The following PRR16 variants were observed in gnomAD, a reference collection of about 807,000 sequenced individuals.
The protein encoded by PRR16 is protein Largen.
PRR16 carries 6 observed loss-of-function variants against 18.2 expected under a neutral mutation model. The observed-to-expected ratio is 0.33, with a 90% CI of 0.18 to 0.65. The LOEUF (loss-of-function observed/expected upper bound fraction) is 0.65, where lower values mean the gene tolerates loss of function less well. Among genes scored for constraint, PRR16 ranks in the 30% least tolerant of loss-of-function variants. The pLI is 0.74. For missense variants in PRR16, 412 were observed against 376.6 expected (o/e 1.09, Z -0.78); for synonymous variants, 151 against 147.8 (o/e 1.02, Z -0.16).
At chr5:120,626,234 TA>T (rs1274195518) in intron 1 of PRR16, among the ~76,000 whole-genome samples, 3 of 152,022 alleles carry the variant, frequency 2.0e-5, no homozygotes, top group African/African-American at 7.2e-5. Context: ...ATGATTGGAT[TA>T]AAAAATATGA....
intron 1 of PRR16, among the ~76,000 whole-genome samples, chr5:120,635,620 A>G (rs543087621): frequency 3.7e-4 from 56 of 152,300 alleles, no homozygotes; most frequent in South Asian, 2.9e-3. Flanking sequence ...GACATACCTT[A>G]AGGTAGTAAA....
intron 1 of PRR16, 25 bp from the exon 2 acceptor site, chr5:120,685,929 A>C: frequency 6.3e-7 from 1 of 1,584,420 alleles, no homozygotes; most frequent in Non-Finnish European, 8.6e-7. Flanking sequence ...ATTCTTCAAA[A>C]CAATTACCTT....
intron 1 of PRR16, among the ~76,000 whole-genome samples, chr5:120,674,558 A>T (rs1756730317): frequency 6.6e-6 from 1 of 152,172 alleles, no homozygotes; most frequent in Non-Finnish European, 1.5e-5. Context: ...TGTATTGATC[A>T]TGTGATTTGT....
At chr5:120,771,967 T>C in the PRR16 span, among the ~76,000 whole-genome samples, 2 of 152,072 alleles carry the variant, frequency 1.3e-5, no homozygotes, top group Non-Finnish European at 2.9e-5. Flanking sequence ...AAAAGAAAGC[T>C]ATAATAGTGG....
At chr5:120,786,090 T>A in the PRR16 span, among the ~76,000 whole-genome samples, 1 of 147,822 alleles carries the variant, frequency 6.8e-6, no homozygotes, top group Non-Finnish European at 1.5e-5. Flanking sequence ...AAGCTTTTGT[T>A]TTTTTTTTTT....
At chr5:120,699,497 T>C in the PRR16 span, among the ~76,000 whole-genome samples, 597 of 151,966 alleles carry the variant, frequency 3.9e-3, 5 homozygotes, top group African/African-American at 0.014. Context: ...GGAACAACGG[T>C]AATTGTGGGA....
At chr5:120,541,168 A>G (rs116304174) in intron 1 of PRR16, among the ~76,000 whole-genome samples, 164 of 152,060 alleles carry the variant, frequency 1.1e-3, no homozygotes, top group Non-Finnish European at 1.6e-3. Context: ...TTTTTTGGAG[A>G]TGGAGTCTCA....
chr5:120,589,669 C>T (rs1384113014), intron 1 of PRR16, among the ~76,000 whole-genome samples: 4 of 152,022 alleles, frequency 2.6e-5, no homozygotes, highest in East Asian at 1.9e-4. Context: ...GATGTGAAAG[C>T]GGAAATCCCT....
the PRR16 span, among the ~76,000 whole-genome samples, chr5:120,705,068 A>G: frequency 6.8e-6 from 1 of 146,292 alleles, no homozygotes; most frequent in Non-Finnish European, 1.5e-5. Context: ...CACTGGCTCA[A>G]TGTCCATTGT....
the PRR16 span, among the ~76,000 whole-genome samples, chr5:120,694,050 C>T: frequency 5.3e-5 from 8 of 152,184 alleles, no homozygotes; most frequent in Non-Finnish European, 1.0e-4. Flanking sequence ...AAGGACACCA[C>T]CTGCCAACAT....
At chr5:120,639,334 G>A (rs1324480571) in intron 1 of PRR16, among the ~76,000 whole-genome samples, 1 of 151,984 alleles carries the variant, frequency 6.6e-6, no homozygotes, top group Admixed American at 6.6e-5. Context: ...TGTTCTAACT[G>A]AATAGGAAGA....
At chr5:120,567,878 G>T (rs969687621) in intron 1 of PRR16, among the ~76,000 whole-genome samples, 1 of 152,062 alleles carries the variant, frequency 6.6e-6, no homozygotes, top group African/African-American at 2.4e-5. Flanking sequence ...AGCAGTGTGA[G>T]AACAGACTAA....
chr5:120,502,073 G>A (rs1750479126), intron 1 of PRR16, among the ~76,000 whole-genome samples: 1 of 150,886 alleles, frequency 6.6e-6, no homozygotes, highest in Admixed American at 6.6e-5. Flanking sequence ...AGTGTGAATT[G>A]GAACAACAGT....
At chr5:120,630,768 C>G (rs1402270793) in intron 1 of PRR16, among the ~76,000 whole-genome samples, 1 of 152,066 alleles carries the variant, frequency 6.6e-6, no homozygotes, top group Non-Finnish European at 1.5e-5. Context: ...GTTTAGTTAC[C>G]CAGCAAATGA....
At chr5:120,728,986 C>G in the PRR16 span, among the ~76,000 whole-genome samples, 2 of 152,080 alleles carry the variant, frequency 1.3e-5, no homozygotes, top group Admixed American at 6.6e-5. Context: ...CTTCCCTAAG[C>G]CATTTTATTC....
At chr5:120,593,150 G>T (rs1753691705) in intron 1 of PRR16, among the ~76,000 whole-genome samples, 1 of 151,540 alleles carries the variant, frequency 6.6e-6, no homozygotes, top group Admixed American at 6.6e-5. Context: ...CAGAAGACAA[G>T]AAATAATGAA....
intron 1 of PRR16, among the ~76,000 whole-genome samples, chr5:120,505,835 AAAGT>A (rs944599456): frequency 1.3e-5 from 2 of 151,800 alleles, no homozygotes; most frequent in African/African-American, 4.8e-5. Flanking sequence ...TTCTCTTCTG[AAAGT>A]ATGTATATAT....
chr5:120,779,640 T>TAC, the PRR16 span, among the ~76,000 whole-genome samples: 1 of 152,214 alleles, frequency 6.6e-6, no homozygotes, highest in Non-Finnish European at 1.5e-5. Flanking sequence ...ACTGTAGTAC[T>TAC]TTTTATGCTC....
At chr5:120,742,480 A>AT in the PRR16 span, among the ~76,000 whole-genome samples, 176 of 151,194 alleles carry the variant, frequency 1.2e-3, 4 homozygotes, top group East Asian at 0.031. Flanking sequence ...TGATCTCTGA[A>AT]TTTTTTAATT....
Sources: gnomAD v4.1 joint callset for allele counts (sites outside exome capture counted in the v4.1 genomes callset) on GRCh38, gnomAD v4.1.1 for gene constraint, MANE v1.5 for transcripts, NCBI Gene and HGNC (gene_info 2026-07-23, HGNC 2026-07-21) for gene names.